The following RABGEF1 variants were observed in gnomAD, a reference collection of about 807,000 sequenced individuals.
The protein encoded by RABGEF1 is rab5 GDP/GTP exchange factor.
Under a neutral mutation model 57.3 loss-of-function variants are expected in RABGEF1, and 26 were observed. The observed-to-expected ratio is 0.45, with a 90% CI of 0.33 to 0.63. The LOEUF is 0.63. Ranked by LOEUF, RABGEF1 falls within the 20% of genes least tolerant of loss-of-function variation. The probability of loss-of-function intolerance (pLI) is 0.02; values close to 1 mark genes in which losing one functional copy is unlikely to be tolerated. For synonymous variants in RABGEF1, 185 were observed against 210.7 expected (o/e 0.88, Z 1.06); for missense variants, 464 against 607.6 (o/e 0.76, Z 2.48).
At chr7:66,691,386 C>A (rs1474232787) in intron 1 of RABGEF1, among the ~76,000 whole-genome samples, 1 of 151,978 alleles carries the variant, frequency 6.6e-6, no homozygotes, top group East Asian at 1.9e-4. Flanking sequence ...TGTCTGTACC[C>A]AGAAGAGTGG....
At chr7:66,740,949 C>G (rs2279934) in intron 1 of RABGEF1, among the ~76,000 whole-genome samples, 157 bp downstream of exon 1, 5,573 of 152,178 alleles carry the variant, frequency 0.037, 161 homozygotes, top group East Asian at 0.086. Flanking sequence ...GTCCTTCGTC[C>G]CACATTCCGT....
Position 66,773,370 on chromosome 7 carries a change from A to T in RABGEF1, c.179+1292A>T, listed in dbSNP as rs12670986. ...AAAATGTCCTAGTACCTTTATATTAACTTCTTGTCTGTCCCAGAGAAAGAG... is the reference window on the plus strand; with the variant it reads ...AAAATGTCCTAGTACCTTTATATTATCTTCTTGTCTGTCCCAGAGAAAGAG... On this transcript the variant is annotated intron_variant, in intron 2 of 8. Transcript: ENST00000284957. 1.1e-3 allele frequency among the ~76,000 whole-genome samples: 175 copies of T among 152,244 alleles called. 1 individual carries two copies. The East Asian group carries it at 0.03, about 27-fold the overall frequency.
intron 2 of RABGEF1, among the ~76,000 whole-genome samples, chr7:66,731,237 C>T (rs1797277193): frequency 6.6e-6 from 1 of 152,028 alleles, no homozygotes; most frequent in Non-Finnish European, 1.5e-5. Context: ...TTGAGGAGTT[C>T]AAGGGCAAGA....
chr7:66,758,189 A>G (rs1803262529), intron 1 of RABGEF1, among the ~76,000 whole-genome samples: 1 of 152,252 alleles, frequency 6.6e-6, no homozygotes, highest in Middle Eastern at 3.4e-3. Context: ...GAGGGAAACT[A>G]CTCACATCTG....
chr7:66,654,994 C>T, the RABGEF1 span, among the ~76,000 whole-genome samples: 1 of 152,220 alleles, frequency 6.6e-6, no homozygotes, highest in Non-Finnish European at 1.5e-5. Flanking sequence ...CCGTCCAGGA[C>T]GCTGGCTCCG....
At chr7:66,779,756 A>G (rs531670321) in intron 3 of RABGEF1, among the ~76,000 whole-genome samples, 69 of 151,634 alleles carry the variant, frequency 4.6e-4, no homozygotes, top group African/African-American at 1.7e-3. Flanking sequence ...AGCCAAAATT[A>G]TGAACTGTAA....
chr7:66,795,650 T>C (rs1813852973), intron 5 of RABGEF1, 58 bp downstream of exon 5: 7 of 1,439,388 alleles, frequency 4.9e-6, no homozygotes, highest in Middle Eastern at 1.7e-4. Context: ...CTGCTCAGTC[T>C]CTTAGCAATT....
chr7:66,673,399 G>A, the RABGEF1 span, among the ~76,000 whole-genome samples: 1 of 152,010 alleles, frequency 6.6e-6, no homozygotes, highest in South Asian at 2.1e-4. Context: ...CTGGACCATC[G>A]TGGATGTGGG....
intron 1 of RABGEF1, among the ~76,000 whole-genome samples, chr7:66,764,515 A>G (rs1282381731): frequency 6.6e-6 from 1 of 152,186 alleles, no homozygotes; most frequent in Non-Finnish European, 1.5e-5. Context: ...GCCATATCTA[A>G]ACATCCTTTG....
intron 1 of RABGEF1, among the ~76,000 whole-genome samples, chr7:66,762,052 TCAAAAAAAAA>T (rs2129086574): frequency 1.3e-5 from 2 of 150,808 alleles, no homozygotes; most frequent in African/African-American, 4.9e-5. Flanking sequence ...AGACCCTGTC[TCAAAAAAAAA>T]CAAAAAAACA....
At chr7:66,744,324 G>T (rs1423492514) in intron 1 of RABGEF1, among the ~76,000 whole-genome samples, 2 of 151,456 alleles carry the variant, frequency 1.3e-5, no homozygotes, top group African/African-American at 4.8e-5. Context: ...CTTGAGGTCA[G>T]GGGTTGGAGA....
the RABGEF1 span, among the ~76,000 whole-genome samples, chr7:66,673,999 G>C: frequency 5.3e-4 from 80 of 152,290 alleles, no homozygotes; most frequent in African/African-American, 1.8e-3. Context: ...TTATGGTTAG[G>C]CATTTTACCT....
At chr7:66,664,841 C>T in the RABGEF1 span, among the ~76,000 whole-genome samples, 5 of 152,222 alleles carry the variant, frequency 3.3e-5, no homozygotes, top group Non-Finnish European at 7.3e-5. Context: ...CTGACCTCTT[C>T]GGGGTGCCTC....
At chr7:66,729,546 C>T (rs780499224) in intron 2 of RABGEF1, among the ~76,000 whole-genome samples, 11 of 152,062 alleles carry the variant, frequency 7.2e-5, no homozygotes, top group Non-Finnish European at 1.6e-4. Flanking sequence ...TCACCTTTAT[C>T]CTCACCTTCA....
intron 7 of RABGEF1, among the ~76,000 whole-genome samples, chr7:66,803,962 C>T (rs10282310): frequency 0.12 from 17,813 of 151,662 alleles, 1,230 homozygotes; most frequent in East Asian, 0.2. Context: ...TAAGTTTATT[C>T]CCTTGCTTGA....
chr7:66,657,953 G>A, the RABGEF1 span, among the ~76,000 whole-genome samples: 2 of 152,116 alleles, frequency 1.3e-5, no homozygotes, highest in African/African-American at 2.4e-5. Context: ...AAAGATTAGA[G>A]TGGAAATAAA....
At chr7:66,746,618 C>CTTTT (rs1206614304) in intron 1 of RABGEF1, among the ~76,000 whole-genome samples, 7 of 92,170 alleles carry the variant, frequency 7.6e-5, no homozygotes, top group Non-Finnish European at 1.3e-4. Flanking sequence ...ATAATATAAC[C>CTTTT]TTTTTTTTTT....
Position 66,734,832 on chromosome 7 carries a change from C to T in RABGEF1, c.-814-5164C>T, listed in dbSNP as rs75864447. On this transcript the variant is annotated intron_variant and NMD_transcript_variant, in intron 2 of 9. Transcript: ENST00000607882. Reference sequence around the variant, plus strand: ...ACACTGCTGGTCGCTGTGGCTTCCTCCTGCTCGGTTGGTCACTCCTGCACA... The same window carrying T: ...ACACTGCTGGTCGCTGTGGCTTCCTTCTGCTCGGTTGGTCACTCCTGCACA... Among the ~76,000 whole-genome samples, 229 of 152,248 alleles carry T rather than the reference C, an allele frequency of 1.5e-3. 8 individuals are homozygous for T. In the East Asian group the frequency reaches 0.04, roughly 27 times the overall value.
upstream of RABGEF1, among the ~76,000 whole-genome samples, chr7:66,738,282 G>T (rs1405073979): frequency 1.3e-5 from 2 of 152,000 alleles, no homozygotes; most frequent in African/African-American, 4.8e-5. Flanking sequence ...GCCTCCCAAA[G>T]TGCTGGGATT....
Sources: allele counts gnomAD v4.1 joint callset (sites outside exome capture counted in the v4.1 genomes callset), GRCh38; gene constraint gnomAD v4.1.1; transcripts MANE v1.5; gene names NCBI Gene and HGNC (gene_info 2026-07-23, HGNC 2026-07-21).